FHOD3: variants seen among roughly 807,000 people sequenced by gnomAD.
FHOD3 encodes the protein FH1/FH2 domain-containing protein 3.
In FHOD3, 90 loss-of-function variants were observed where a neutral mutation model predicts 173.0. The ratio of observed to expected loss-of-function variants is 0.52; its 90% CI spans 0.44 to 0.62. FHOD3 has a LOEUF of 0.62. Ranked by LOEUF, FHOD3 falls within the 20% of genes least tolerant of loss-of-function variation. The pLI, the probability that FHOD3 is intolerant of heterozygous loss-of-function variation, is 0.00. For missense variants in FHOD3, 1,945 were observed against 2,034.7 expected (o/e 0.96, Z 0.85); for synonymous variants, 828 against 823.0 (o/e 1.01, Z -0.10).
intron 5 of FHOD3, among the ~76,000 whole-genome samples, chr18:36,543,961 G>C (rs1163529597): frequency 2.0e-5 from 3 of 152,200 alleles, no homozygotes; most frequent in Admixed American, 6.5e-5. Flanking sequence ...GGGGCAGACA[G>C]TAGAGATTGA....
chr18:36,298,687 A>G (rs1425700183), intron 1 of FHOD3, among the ~76,000 whole-genome samples: 1 of 151,340 alleles, frequency 6.6e-6, no homozygotes, highest in Non-Finnish European at 1.5e-5. Flanking sequence ...GCGCGCTCAC[A>G]AAGCCTCAGC....
intron 27 of FHOD3, among the ~76,000 whole-genome samples, chr18:36,763,692 G>GTA (rs914180696): frequency 2.7e-5 from 4 of 150,058 alleles, no homozygotes; most frequent in Non-Finnish European, 3.0e-5. Flanking sequence ...ATTTCTGTGT[G>GTA]TATATATATA....
At chr18:36,639,272 T>C (rs2848917) in intron 10 of FHOD3, among the ~76,000 whole-genome samples, 61,983 of 151,890 alleles carry the variant, frequency 0.41, 14,136 homozygotes, top group African/African-American at 0.61. Flanking sequence ...GCCGGCGTGG[T>C]GGCTCACGCC....
intron 16 of FHOD3, among the ~76,000 whole-genome samples, chr18:36,688,843 A>T (rs1251437450): frequency 2.0e-5 from 3 of 152,184 alleles, no homozygotes; most frequent in African/African-American, 7.2e-5. Flanking sequence ...CTCTTTCTGG[A>T]TATTATTTAC....
At chr18:36,384,921 C>G (rs1359833952) in intron 3 of FHOD3, among the ~76,000 whole-genome samples, 4 of 152,108 alleles carry the variant, frequency 2.6e-5, no homozygotes. Flanking sequence ...CCACCACCAC[C>G]ACCACAAAGT....
intron 11 of FHOD3, among the ~76,000 whole-genome samples, chr18:36,651,671 G>A (rs947178136): frequency 6.6e-6 from 1 of 151,850 alleles, no homozygotes; most frequent in Non-Finnish European, 1.5e-5. Flanking sequence ...AGGGTTGCTT[G>A]AACCTGGGAG....
chr18:36,309,527 G>C (rs2092196765), intron 1 of FHOD3, among the ~76,000 whole-genome samples: 1 of 152,220 alleles, frequency 6.6e-6, no homozygotes, highest in African/African-American at 2.4e-5. Flanking sequence ...TCCCATATCA[G>C]ATCATAGCTT....
At chr18:36,503,099 C>T (rs1231548951) in intron 4 of FHOD3, among the ~76,000 whole-genome samples, 1 of 152,134 alleles carries the variant, frequency 6.6e-6, no homozygotes, top group Non-Finnish European at 1.5e-5. Context: ...GTATCGTTGC[C>T]TCCTAAACCT....
At chr18:36,687,624 T>A (rs1316119619) in intron 16 of FHOD3, among the ~76,000 whole-genome samples, 1 of 152,200 alleles carries the variant, frequency 6.6e-6, no homozygotes. Flanking sequence ...CCTGTCTCCC[T>A]ACTGAACTGT....
intron 1 of FHOD3, among the ~76,000 whole-genome samples, chr18:36,334,949 C>T (rs1040438905): frequency 9.9e-5 from 15 of 152,180 alleles, no homozygotes; most frequent in African/African-American, 3.4e-4. Context: ...CAGGGGCCAC[C>T]TTCAGCCCAG....
intron 5 of FHOD3, among the ~76,000 whole-genome samples, chr18:36,551,445 T>C (rs899948073): frequency 6.6e-6 from 1 of 152,042 alleles, no homozygotes; most frequent in African/African-American, 2.4e-5. Flanking sequence ...ATTGGTATTA[T>C]TTCTTTAATT....
intron 5 of FHOD3, among the ~76,000 whole-genome samples, chr18:36,526,013 C>A (rs912603301): frequency 2.0e-5 from 3 of 152,218 alleles, no homozygotes; most frequent in Admixed American, 6.5e-5. Flanking sequence ...ATGATCTCAC[C>A]TATGAAGACA....
chr18:36,433,306 C>G (rs2050650735), intron 3 of FHOD3, among the ~76,000 whole-genome samples: 1 of 152,112 alleles, frequency 6.6e-6, no homozygotes, highest in South Asian at 2.1e-4. Flanking sequence ...CTCCTGTAAA[C>G]ATTTACTCAT....
intron 3 of FHOD3, among the ~76,000 whole-genome samples, chr18:36,396,238 T>A (rs2048550011): frequency 6.6e-6 from 1 of 152,208 alleles, no homozygotes; most frequent in African/African-American, 2.4e-5. Flanking sequence ...GTCAGTATCC[T>A]CAAATACATG....
chr18:36,653,042 C>A, intron 12 of FHOD3, 113 bp downstream of exon 12: 1 of 1,369,644 alleles, frequency 7.3e-7, no homozygotes. Flanking sequence ...GATTTCAGCC[C>A]AAGCAGGGAG....
At chr18:36,454,661 A>ATT (rs3058099) in intron 3 of FHOD3, among the ~76,000 whole-genome samples, 15,683 of 146,000 alleles carry the variant, frequency 0.11, 1,675 homozygotes, top group African/African-American at 0.26. Context: ...TGTCCGTTCC[A>ATT]TTTTTTTTTT....
At chr18:36,422,616 A>G (rs1195235459) in intron 3 of FHOD3, among the ~76,000 whole-genome samples, 2 of 152,196 alleles carry the variant, frequency 1.3e-5, no homozygotes, top group East Asian at 1.9e-4. Flanking sequence ...TTTGCAGCCG[A>G]TCAATGTGAA....
Position 36,713,462 on chromosome 18 carries a change from C to G in FHOD3, c.2533+4071C>G, listed in dbSNP as rs561538490. 3.9e-5 allele frequency among the ~76,000 whole-genome samples: 6 copies of G among 152,108 alleles called. No homozygotes were observed. The South Asian group carries it at 1.2e-3, about 32-fold the overall frequency. ...CAACCACTACAAAAACCAGAAGAAA[C>G]AATGTACTTGGAACACTATAAATAA... On this transcript the variant is annotated intron_variant, in intron 18 of 28. Coordinates refer to ENST00000590592, the MANE Select transcript of FHOD3 (RefSeq NM_001281740.3).
intron 7 of FHOD3, among the ~76,000 whole-genome samples, chr18:36,597,546 C>T (rs2030653395): frequency 6.6e-6 from 1 of 152,240 alleles, no homozygotes; most frequent in East Asian, 1.9e-4. Flanking sequence ...CCTGCCTCAG[C>T]CTCCCGAGTA....
Sources: allele counts gnomAD v4.1 joint callset (sites outside exome capture counted in the v4.1 genomes callset), GRCh38; gene constraint gnomAD v4.1.1; transcripts MANE v1.5; gene names NCBI Gene and HGNC (gene_info 2026-07-23, HGNC 2026-07-21).